Variants in IQSEC1 observed in about 807,000 individuals in gnomAD.
IQSEC1 encodes IQ motif and Sec7 domain ArfGEF 1, also known as IQ motif and SEC7 domain-containing protein 1.
Under a neutral mutation model 91.0 loss-of-function variants are expected in IQSEC1, and 31 were observed. The observed-to-expected ratio is 0.34, with a 90% CI of 0.26 to 0.46. The LOEUF (loss-of-function observed/expected upper bound fraction) is 0.46, where lower values mean the gene tolerates loss of function less well. Among genes scored for constraint, IQSEC1 ranks in the 20% least tolerant of loss-of-function variants. The probability of loss-of-function intolerance (pLI) is 1.00; values close to 1 mark genes in which losing one functional copy is unlikely to be tolerated. For synonymous variants in IQSEC1, 699 were observed against 662.6 expected, an observed-to-expected ratio of 1.05 and a Z score of -0.84; for missense variants, 1,388 against 1,575.6, an observed-to-expected ratio of 0.88 and a Z score of 2.02.
Position 12,908,399 on chromosome 3 carries a change from C to A in IQSEC1, c.2705G>T (p.Gly902Val). ...CLDDSYASGE[G>V]LKRSALSSSL... ...GCTGCTGAGGGCGCTGCGCTTGAGG[C>A]CCTCACCGCTGGCATAGCTGTCGTC... Residue 902 changes from glycine (G) to valine (V), a missense_variant, in exon 12 of 14, where the codon GGC becomes GTC. By Grantham distance (109) the Gly-to-Val change is moderately radical. Coordinates refer to ENST00000613206, the MANE Select transcript of IQSEC1 (RefSeq NM_001134382.3). The surrounding 1 kb of genome is among the most constrained non-coding windows in gnomAD (Gnocchi z 4.9). The A allele has an allele frequency of 6.2e-7, 1 of 1,612,850 alleles. No homozygotes were observed. Among genetic ancestry groups the A allele is most frequent in the Non-Finnish European group, 8.5e-7 (1 of 1,180,036 alleles).
intron 1 of IQSEC1, among the ~76,000 whole-genome samples, chr3:13,054,841 G>A (rs1704818370): frequency 1.3e-5 from 2 of 152,238 alleles, no homozygotes; most frequent in South Asian, 4.1e-4. Context: ...GGACCCTGTT[G>A]GGCCTCAGAA....
intron 2 of IQSEC1, among the ~76,000 whole-genome samples, chr3:13,084,863 T>C (rs1421139912): frequency 6.6e-6 from 1 of 151,462 alleles, no homozygotes; most frequent in Non-Finnish European, 1.5e-5. Context: ...CTCTGGTTCC[T>C]GCCCTGAGAA....
upstream of IQSEC1, among the ~76,000 whole-genome samples, chr3:13,075,718 C>T (rs1221020309): frequency 6.6e-6 from 1 of 152,236 alleles, no homozygotes; most frequent in Non-Finnish European, 1.5e-5. Flanking sequence ...ACATCATTTA[C>T]AGGGCACGTG....
intron 1 of IQSEC1, among the ~76,000 whole-genome samples, chr3:13,226,871 G>A (rs1694762132): frequency 6.9e-6 from 1 of 144,074 alleles, no homozygotes; most frequent in African/African-American, 2.8e-5. Flanking sequence ...AGACCCCCAG[G>A]TCTCTGCTTC....
chr3:13,079,665 C>T (rs1705618987), intron 2 of IQSEC1, among the ~76,000 whole-genome samples: 1 of 152,214 alleles, frequency 6.6e-6, no homozygotes, highest in South Asian at 2.1e-4. Context: ...AGGTTCTCAT[C>T]ACCGGAGCCC....
At chr3:13,029,942 A>G (rs573313763) in intron 1 of IQSEC1, among the ~76,000 whole-genome samples, 4 of 152,248 alleles carry the variant, frequency 2.6e-5, no homozygotes, top group East Asian at 3.9e-4. Flanking sequence ...TTCCCAGACC[A>G]TTCCCAGCTC....
At chr3:13,194,597 A>C (rs1309044010) in intron 1 of IQSEC1, among the ~76,000 whole-genome samples, 1 of 152,152 alleles carries the variant, frequency 6.6e-6, no homozygotes, top group Non-Finnish European at 1.5e-5. Context: ...TTAACATGTA[A>C]GGCCCACCAC....
At chr3:13,199,295 C>T (rs913677656) in intron 1 of IQSEC1, among the ~76,000 whole-genome samples, 1 of 152,204 alleles carries the variant, frequency 6.6e-6, no homozygotes, top group African/African-American at 2.4e-5. Flanking sequence ...ACATTTGACG[C>T]AGTCCTGGTT....
intron 2 of IQSEC1, among the ~76,000 whole-genome samples, chr3:13,111,173 G>A (rs1242875329): frequency 1.3e-5 from 2 of 152,198 alleles, no homozygotes; most frequent in South Asian, 2.1e-4. Flanking sequence ...TGGGAGGAGA[G>A]TTCTGTCCTG....
chr3:13,060,536 A>T (rs887751872), intron 1 of IQSEC1, among the ~76,000 whole-genome samples: 1 of 152,182 alleles, frequency 6.6e-6, no homozygotes, highest in Non-Finnish European at 1.5e-5. Context: ...CCCTGGAAAA[A>T]GTCCCCTCCC....
At chr3:13,079,145 G>A (rs1705607618) in intron 2 of IQSEC1, among the ~76,000 whole-genome samples, 1 of 152,228 alleles carries the variant, frequency 6.6e-6, no homozygotes, top group Non-Finnish European at 1.5e-5. Flanking sequence ...CGGGCCTGTG[G>A]AGGCTGAGTC....
chr3:13,047,282 AG>A (rs1704532869), intron 1 of IQSEC1, among the ~76,000 whole-genome samples: 1 of 152,100 alleles, frequency 6.6e-6, no homozygotes, highest in African/African-American at 2.4e-5. Flanking sequence ...CCTTGATTTG[AG>A]GGGAAACCAC....
chr3:13,013,769 G>C (rs1001388812), intron 1 of IQSEC1, among the ~76,000 whole-genome samples: 2 of 152,218 alleles, frequency 1.3e-5, no homozygotes, highest in Non-Finnish European at 2.9e-5. Flanking sequence ...AGACAAGACA[G>C]TACTTGGCAC....
Position 12,900,282 on chromosome 3 carries a change from A to G in IQSEC1, c.*701T>C. Reference sequence around the variant, plus strand: ...AGTCCTAGAGGGACTTCTTTGTATGAAAATATGAAGTATCTGAATTTGTTC... The same window carrying G: ...AGTCCTAGAGGGACTTCTTTGTATGGAAATATGAAGTATCTGAATTTGTTC... On this transcript the variant is annotated 3_prime_UTR_variant, in exon 14 of 14. Coordinates refer to ENST00000613206, the MANE Select transcript of IQSEC1 (RefSeq NM_001134382.3). 1 of 985,086 alleles carries G rather than the reference A, an allele frequency of 1.0e-6. No individual in the cohort carries two copies. The highest frequency in any genetic ancestry group is 1.2e-6 in the Non-Finnish European group (1 of 829,674). The allele number at this position is 985,086 out of a possible 1,614,324, so 61.0% of individuals were successfully genotyped here.
chr3:13,104,883 G>C (rs1288072233), intron 2 of IQSEC1, among the ~76,000 whole-genome samples: 1 of 152,210 alleles, frequency 6.6e-6, no homozygotes, highest in African/African-American at 2.4e-5. Context: ...GAAGATCATG[G>C]CTCTCTTCTA....
intron 2 of IQSEC1, among the ~76,000 whole-genome samples, chr3:13,104,870 G>A (rs1489232966): frequency 1.3e-5 from 2 of 152,230 alleles, no homozygotes; most frequent in Non-Finnish European, 2.9e-5. Flanking sequence ...GCAGGACCAG[G>A]ATGAAGATCA....
chr3:13,106,532 C>T (rs1225960940), intron 2 of IQSEC1, among the ~76,000 whole-genome samples: 2 of 152,172 alleles, frequency 1.3e-5, no homozygotes, highest in African/African-American at 2.4e-5. Flanking sequence ...TGACATGCCC[C>T]GAATCACATA....
At chr3:12,974,481 C>T (rs1356831702) in intron 1 of IQSEC1, among the ~76,000 whole-genome samples, 1 of 152,206 alleles carries the variant, frequency 6.6e-6, no homozygotes, top group African/African-American at 2.4e-5. Context: ...GCTGGACTGC[C>T]TCTCCCAAAT....
rs553327832 is a variant in IQSEC1, at chr3:12,909,608, C to T, written c.2417-174G>A. Among the ~76,000 whole-genome samples, 8 of 152,204 alleles carry T rather than the reference C, an allele frequency of 5.3e-5. No individual in the cohort carries two copies. Among genetic ancestry groups the T allele is most frequent in the Non-Finnish European group, 1.0e-4 (7 of 68,028 alleles). On this transcript the variant is annotated intron_variant, in intron 10 of 13. Transcript: ENST00000613206. This position sits in a 1 kb window ranked among gnomAD's most constrained non-coding sequence, Gnocchi z 4.9. ...AGGGGTGCAGAGCAACCTCATCTCC[C>T]GACTTGGGAAAGATGGTCTGTGTCG...
Sources: gnomAD v4.1 joint callset for allele counts (sites outside exome capture counted in the v4.1 genomes callset) on GRCh38, gnomAD v4.1.1 for gene constraint, Gnocchi (gnomAD v3.1) non-coding constraint, MANE v1.5 for transcripts, NCBI Gene and HGNC (gene_info 2026-07-23, HGNC 2026-07-21) for gene names.